Variants in WNT9B observed in about 807,000 individuals in gnomAD.
WNT9B encodes the protein protein Wnt-9b.
A neutral mutation model predicts 30.2 loss-of-function variants in WNT9B; 12 were observed. The observed-to-expected ratio is 0.40, with a 90% CI of 0.26 to 0.64. The LOEUF (loss-of-function observed/expected upper bound fraction) is 0.64, where lower values mean the gene tolerates loss of function less well. Among genes scored for constraint, WNT9B ranks in the 30% least tolerant of loss-of-function variants. The pLI is 0.42. For synonymous variants in WNT9B, 218 were observed against 216.9 expected, an observed-to-expected ratio of 1.01 and a Z score of -0.05; for missense variants, 442 against 485.2, an observed-to-expected ratio of 0.91 and a Z score of 0.84.
At chr17:46,883,429 CGCCTACCCCACGCCCG>C (rs1568136173), downstream of WNT9B, among the ~76,000 whole-genome samples, 8 of 150,734 alleles carry the variant, frequency 5.3e-5, no homozygotes, top group Non-Finnish European at 8.8e-5. Context: ...GGATTACAGG[CGCCTACCCCACGCCCG>C]GCCTTATTTT....
rs1475097076 is a variant in WNT9B, at chr17:46,879,147, A to G, written c.*2429A>G. Among the ~76,000 whole-genome samples, 1 of 152,196 alleles carries G rather than the reference A, an allele frequency of 6.6e-6. No homozygotes were observed. The highest frequency in any genetic ancestry group is 1.5e-5 in the Non-Finnish European group (1 of 68,040). On this transcript the variant is annotated 3_prime_UTR_variant, in exon 4 of 4. Coordinates refer to ENST00000290015, the MANE Select transcript of WNT9B (RefSeq NM_003396.3). ...ATATAGCTAAGATATATGAGAAAGT[A>G]TTTATATTATTTATATAGTTGCTAT...
chr17:46,871,750 A>G (rs1029070809), intron 1 of WNT9B, among the ~76,000 whole-genome samples: 1 of 152,210 alleles, frequency 6.6e-6, no homozygotes, highest in Non-Finnish European at 1.5e-5. Flanking sequence ...CTTTCAATCT[A>G]GGAGAACAAG....
In WNT9B at chr17:46,853,519, G is replaced by A. The variant is rs145037888; in HGVS notation, c.77+1804G>A. On this transcript the variant is annotated intron_variant, in intron 1 of 3. Transcript: ENST00000290015. ...CCTGAATAGCTGGGACTATAGGCGC[G>A]TGCCACCATGCCCAGCTAATTTTTG... Among the ~76,000 whole-genome samples, 500 of 151,862 alleles carry A rather than the reference G, an allele frequency of 3.3e-3. 1 individual carries two copies. Among genetic ancestry groups the A allele is most frequent in the African/African-American group, 0.011 (469 of 41,408 alleles).
At chr17:46,864,009 T>C (rs1028972805) in intron 1 of WNT9B, among the ~76,000 whole-genome samples, 1 of 152,186 alleles carries the variant, frequency 6.6e-6, no homozygotes, top group African/African-American at 2.4e-5. Context: ...CATCTCTGCC[T>C]AGAGCCTGTG....
In WNT9B at chr17:46,879,687, C is replaced by A. The variant is rs527808174; in HGVS notation, c.*2969C>A. 1.3e-5 allele frequency among the ~76,000 whole-genome samples: 2 copies of A among 152,216 alleles called. No individual in the cohort carries two copies. Among genetic ancestry groups the A allele is most frequent in the Non-Finnish European group, 2.9e-5 (2 of 68,046 alleles). ...TGTTCAATGAATATTTACTGAACATCTCCATAGACCAGGCACTACGGGCTG... is the reference window on the plus strand; with the variant it reads ...TGTTCAATGAATATTTACTGAACATATCCATAGACCAGGCACTACGGGCTG... On this transcript the variant is annotated 3_prime_UTR_variant, in exon 4 of 4. Coordinates refer to ENST00000290015, the MANE Select transcript of WNT9B (RefSeq NM_003396.3).
At position 46,876,405 on chromosome 17, in the gene WNT9B, A is replaced by G. The variant is rs1269239953; in HGVS notation, c.761A>G (p.Glu254Gly). The change falls in exon 4 of 4, where the codon GAG (glutamate) becomes GGG (glycine). Residue 254 changes from glutamate to glycine, a missense_variant. By Grantham distance (98) the Glu-to-Gly change is moderately conservative. Transcript: ENST00000290015. ...SAVKVSSATN[E>G]ALGRLELWAP... Reference sequence around the variant, plus strand: ...GTCAAGGTGTCCAGTGCCACCAATGAGGCCTTGGGCCGCCTAGAGCTGTGG... The same window carrying G: ...GTCAAGGTGTCCAGTGCCACCAATGGGGCCTTGGGCCGCCTAGAGCTGTGG... 3.1e-6 allele frequency: 5 copies of G among 1,613,732 alleles called. No homozygotes were observed. Among genetic ancestry groups the G allele is most frequent in the Non-Finnish European group, 3.4e-6 (4 of 1,180,046 alleles).
rs533556950 is a variant in WNT9B, at chr17:46,873,843, A to G, written c.334+1070A>G. Among the ~76,000 whole-genome samples, 4 of 152,156 alleles carry G rather than the reference A, an allele frequency of 2.6e-5. No individual in the cohort carries two copies. The South Asian group carries it at 8.3e-4, about 32-fold the overall frequency. On this transcript the variant is annotated intron_variant, in intron 2 of 3. Transcript: ENST00000290015. ...CATCTCTACTAAAAATACAAAAATT[A>G]GCTGGCATGGTGGCAGGAGCCTGTA...
intron 1 of WNT9B, among the ~76,000 whole-genome samples, chr17:46,868,300 C>T (rs1380394514): frequency 1.3e-5 from 2 of 152,146 alleles, no homozygotes; most frequent in African/African-American, 4.8e-5. Flanking sequence ...TCATTAAGAC[C>T]CCCATATTTG....
At position 46,879,883 on chromosome 17, in the gene WNT9B, C is replaced by T. The variant is rs556356233; in HGVS notation, c.*3165C>T. Among the ~76,000 whole-genome samples, 3 of 152,216 alleles carry T rather than the reference C, an allele frequency of 2.0e-5. No individual in the cohort carries two copies. Among genetic ancestry groups the T allele is most frequent in the African/African-American group, 7.2e-5 (3 of 41,450 alleles). On this transcript the variant is annotated 3_prime_UTR_variant, in exon 4 of 4. Transcript: ENST00000290015. The stretch of plus-strand genomic sequence containing the variant: ...CAGGGGCTTTGGCTGCCTGAGAAGG[C>T]TGGAGAGACCAGGAACCCATGGAGG...
chr17:46,864,399 C>A (rs2085097808), intron 1 of WNT9B, among the ~76,000 whole-genome samples: 1 of 152,138 alleles, frequency 6.6e-6, no homozygotes, highest in African/African-American at 2.4e-5. Context: ...CTCTATCTAG[C>A]CAAGTATGTT....
At chr17:46,870,555 G>A (rs2085223417) in intron 1 of WNT9B, among the ~76,000 whole-genome samples, 1 of 152,246 alleles carries the variant, frequency 6.6e-6, no homozygotes, top group African/African-American at 2.4e-5. Context: ...ATCTGTCTCT[G>A]CTCGGAGGTT....
At chr17:46,866,717 C>T (rs1023469494) in intron 1 of WNT9B, among the ~76,000 whole-genome samples, 86 of 152,066 alleles carry the variant, frequency 5.7e-4, no homozygotes, top group African/African-American at 2.0e-3. Flanking sequence ...TACTCCTGGA[C>T]CCTCCAGCTA....
chr17:46,881,060 A>G (rs1051643634), downstream of WNT9B, among the ~76,000 whole-genome samples: 1 of 152,200 alleles, frequency 6.6e-6, no homozygotes, highest in African/African-American at 2.4e-5. Context: ...TTCCTTCCCA[A>G]CATGCTTTGG....
intron 1 of WNT9B, among the ~76,000 whole-genome samples, chr17:46,854,142 C>G (rs1394711078): frequency 6.6e-6 from 1 of 152,092 alleles, no homozygotes; most frequent in Non-Finnish European, 1.5e-5. Flanking sequence ...AAAACTGGGG[C>G]CTCATGATGT....
rs1006307438 is a variant in WNT9B at position 46,876,505 on chromosome 17, A to G, written c.861A>G (p.Ser287=). ...GGGACCTGGTGTACATGGAGGACTC[A>G]CCCAGCTTCTGCCGGCCCAGCAAGT... The part of the protein sequence containing the change: ...RSGDLVYMED[S]PSFCRPSKYS... The change falls in exon 4 of 4, where the codon TCA becomes TCG. Residue 287 remains serine, a synonymous_variant. Coordinates refer to ENST00000290015, the MANE Select transcript of WNT9B (RefSeq NM_003396.3). The G allele has an allele frequency of 5.6e-6, 9 of 1,613,436 alleles. No individual in the cohort carries two copies. The highest frequency in any genetic ancestry group is 6.8e-6 in the Non-Finnish European group (8 of 1,180,012).
Position 46,851,898 on chromosome 17 carries a change from A to G in WNT9B, c.77+183A>G, listed in dbSNP as rs1438329084. 1.3e-5 allele frequency among the ~76,000 whole-genome samples: 2 copies of G among 151,950 alleles called. No individual in the cohort carries two copies. Among genetic ancestry groups the G allele is most frequent in the East Asian group, 1.9e-4 (1 of 5,184 alleles). On this transcript the variant is annotated intron_variant, in intron 1 of 3. Coordinates refer to ENST00000290015, the MANE Select transcript of WNT9B (RefSeq NM_003396.3). This position sits in a 1 kb window ranked among gnomAD's most constrained non-coding sequence, Gnocchi z 4.3. Reference sequence around the variant, plus strand: ...AGTTCGCGCCCTGAGTTCGGTCTCCAGCTTCCCCGGCTCCGAATCCATCGC... The same window carrying G: ...AGTTCGCGCCCTGAGTTCGGTCTCCGGCTTCCCCGGCTCCGAATCCATCGC...
In WNT9B at chr17:46,880,460, T is replaced by C. The variant is rs954498504; in HGVS notation, c.*3742T>C. 4.6e-5 allele frequency among the ~76,000 whole-genome samples: 7 copies of C among 152,210 alleles called. No homozygotes were observed. Among genetic ancestry groups the C allele is most frequent in the African/African-American group, 1.7e-4 (7 of 41,456 alleles). Reference sequence around the variant, plus strand: ...AGCACCAGGCAGCATCCTGGGTGCTTGGTGCAGCAAGGAACAGGACCAAGT... The same window carrying C: ...AGCACCAGGCAGCATCCTGGGTGCTCGGTGCAGCAAGGAACAGGACCAAGT... On this transcript the variant is annotated 3_prime_UTR_variant, in exon 4 of 4. Coordinates refer to ENST00000290015, the MANE Select transcript of WNT9B (RefSeq NM_003396.3).
intron 1 of WNT9B, among the ~76,000 whole-genome samples, chr17:46,835,145 C>A (rs946503532): frequency 4.6e-5 from 7 of 152,148 alleles, no homozygotes; most frequent in African/African-American, 1.7e-4. Context: ...CAGGAACACA[C>A]CACCACACCT....
intron 1 of WNT9B, among the ~76,000 whole-genome samples, chr17:46,864,715 C>G (rs2085102847): frequency 6.6e-6 from 1 of 152,148 alleles, no homozygotes; most frequent in Non-Finnish European, 1.5e-5. Context: ...CAAGCAGAAA[C>G]TGCCAGGCTT....
Sources: allele counts gnomAD v4.1 joint callset (sites outside exome capture counted in the v4.1 genomes callset), GRCh38; gene constraint gnomAD v4.1.1; non-coding constraint Gnocchi (gnomAD v3.1); transcripts MANE v1.5; gene names NCBI Gene and HGNC (gene_info 2026-07-23, HGNC 2026-07-21).